Variants in NAALADL2 observed in about 807,000 individuals in gnomAD.
NAALADL2 encodes inactive N-acetylated-alpha-linked acidic dipeptidase-like protein 2.
In NAALADL2, 76 loss-of-function variants were observed where a neutral mutation model predicts 87.2. That is an observed-to-expected ratio of 0.87 (90% confidence interval 0.72 to 1.05). NAALADL2 has a LOEUF of 1.05. NAALADL2 is among the 50% of genes least tolerant of loss of function. NAALADL2 has a pLI of 0.00. For synonymous variants in NAALADL2, 354 were observed against 331.0 expected, an observed-to-expected ratio of 1.07 and a Z score of -0.75; for missense variants, 1,089 against 945.8, an observed-to-expected ratio of 1.15 and a Z score of -1.99.
chr3:175,117,775 C>T (rs1442974951), intron 2 of NAALADL2, among the ~76,000 whole-genome samples: 4 of 152,052 alleles, frequency 2.6e-5, no homozygotes, highest in Non-Finnish European at 4.4e-5. Flanking sequence ...GATATATACT[C>T]AAAGGATTAT....
intron 5 of NAALADL2, among the ~76,000 whole-genome samples, chr3:175,376,947 T>C (rs994006743): frequency 2.6e-5 from 4 of 152,158 alleles, no homozygotes; most frequent in African/African-American, 9.7e-5. Flanking sequence ...TTTTTGATTT[T>C]AGGAGGTTCA....
At chr3:175,047,532 A>G (rs889983399) in intron 1 of NAALADL2, among the ~76,000 whole-genome samples, 2 of 152,212 alleles carry the variant, frequency 1.3e-5, no homozygotes, top group Non-Finnish European at 2.9e-5. Flanking sequence ...TATGTATTTT[A>G]AAAGTTGTAA....
In NAALADL2 at chr3:174,785,614, CT is replaced by C. The variant is rs199766930; in HGVS notation, c.-9+47874del. Among the ~76,000 whole-genome samples the C allele has an allele frequency of 6.3e-3, 951 of 152,152 alleles. 8 individuals carry two copies. The highest frequency in any genetic ancestry group is 0.027 in the Middle Eastern group (8 of 294). The stretch of plus-strand genomic sequence containing the variant: ...AAATATTGCTTTGTCTATTTGGGCT[CT>C]TTTTTGTCACTGTTTTGGTCCTGTG... On this transcript the variant is annotated intron_variant, in intron 3 of 3. Transcript: ENST00000434257.
intron 2 of NAALADL2, among the ~76,000 whole-genome samples, chr3:174,650,163 G>A (rs1273870062): frequency 2.6e-5 from 4 of 152,044 alleles, no homozygotes; most frequent in South Asian, 2.1e-4. Context: ...TCAGGGATTG[G>A]GTAGAAGATT....
intron 3 of NAALADL2, among the ~76,000 whole-genome samples, chr3:174,850,039 T>G (rs1725076342): frequency 6.6e-6 from 1 of 152,214 alleles, no homozygotes; most frequent in African/African-American, 2.4e-5. Context: ...AACATACATT[T>G]CTTTCAGAGT....
chr3:175,394,997 T>C (rs1396073215), intron 5 of NAALADL2, among the ~76,000 whole-genome samples: 3 of 152,134 alleles, frequency 2.0e-5, no homozygotes, highest in Non-Finnish European at 4.4e-5. Flanking sequence ...TGCTTATCTT[T>C]GGCATGTCAC....
At chr3:175,088,694 A>G (rs1422539346) in intron 1 of NAALADL2, among the ~76,000 whole-genome samples, 2 of 152,146 alleles carry the variant, frequency 1.3e-5, no homozygotes, top group African/African-American at 4.8e-5. Context: ...ACAAGCTTCA[A>G]CTCTCTGTTC....
rs1721324736 is a variant in NAALADL2 at position 175,097,286 on chromosome 3, T to C, written c.540T>C (p.Ser180=). The C allele has an allele frequency of 6.2e-6, 10 of 1,604,376 alleles. No individual in the cohort carries two copies. The highest frequency in any genetic ancestry group is 1.1e-5 in the South Asian group (1 of 89,682). ...TCCAGGCAGAAGATATTAAGAAGTC[T>C]TTCAGGTAGGTGAAGAAGAAACAGA... ...KTIQAEDIKK[S]FRNLVQLYKN... The change falls in exon 2 of 14, where the codon TCT becomes TCC. Residue 180 remains serine (S), a synonymous_variant. Transcript: ENST00000454872.
chr3:175,560,569 T>G (rs2149514023), intron 9 of NAALADL2, among the ~76,000 whole-genome samples: 1 of 152,294 alleles, frequency 6.6e-6, no homozygotes, highest in South Asian at 2.1e-4. Flanking sequence ...CATTAGGTTG[T>G]TTATTTGTTT....
At chr3:175,736,998 T>G (rs1744586645) in intron 11 of NAALADL2, among the ~76,000 whole-genome samples, 1 of 152,202 alleles carries the variant, frequency 6.6e-6, no homozygotes, top group South Asian at 2.1e-4. Flanking sequence ...TGTAAGGAAT[T>G]ATTTAAAGTC....
intron 1 of NAALADL2, among the ~76,000 whole-genome samples, chr3:175,063,224 C>T (rs976882270): frequency 4.6e-5 from 7 of 152,038 alleles, no homozygotes; most frequent in African/African-American, 1.7e-4. Context: ...CACAGAGTAA[C>T]TTGGCAGGAT....
chr3:175,526,767 G>A lies in NAALADL2; in HGVS notation c.1654-49274G>A, dbSNP rs998313416. 1.1e-4 allele frequency among the ~76,000 whole-genome samples: 17 copies of A among 152,152 alleles called. No homozygotes were observed. In the East Asian group the frequency reaches 1.9e-3, roughly 17 times the overall value. On this transcript the variant is annotated intron_variant, in intron 9 of 13. Coordinates refer to ENST00000454872, the MANE Select transcript of NAALADL2 (RefSeq NM_207015.3). ...TTGTTCTGCTTTAATTTGTTCCACG[G>A]GTCCACCAGCAGAGATGAGGAACTT...
intron 1 of NAALADL2, among the ~76,000 whole-genome samples, chr3:174,895,230 A>G (rs755102371): frequency 1.3e-5 from 2 of 152,168 alleles, no homozygotes; most frequent in Non-Finnish European, 2.9e-5. Context: ...CAAAAGATCA[A>G]TGAAACAAAG....
At chr3:174,589,766 C>T (rs1401351833) in intron 2 of NAALADL2, among the ~76,000 whole-genome samples, 1 of 151,656 alleles carries the variant, frequency 6.6e-6, no homozygotes, top group Admixed American at 6.6e-5. Flanking sequence ...TTTTGGTAAA[C>T]TTTCAGGAAG....
At chr3:174,701,468 T>C (rs1201847929) in intron 2 of NAALADL2, among the ~76,000 whole-genome samples, 1 of 152,156 alleles carries the variant, frequency 6.6e-6, no homozygotes, top group East Asian at 1.9e-4. Flanking sequence ...GTAAAACTGA[T>C]ATACAATAAA....
At chr3:174,632,859 C>T (rs1351040937) in intron 2 of NAALADL2, among the ~76,000 whole-genome samples, 14 of 142,734 alleles carry the variant, frequency 9.8e-5, no homozygotes, top group Admixed American at 8.3e-4. Context: ...CACTTGAACC[C>T]GGGAGGTGGA....
At chr3:175,248,797 T>G (rs1314392907) in intron 3 of NAALADL2, among the ~76,000 whole-genome samples, 3 of 152,168 alleles carry the variant, frequency 2.0e-5, no homozygotes, top group Admixed American at 1.3e-4. Flanking sequence ...TATAGTATTA[T>G]TATATGATTT....
chr3:175,377,560 T>C (rs1032522901), intron 5 of NAALADL2, among the ~76,000 whole-genome samples: 1 of 152,192 alleles, frequency 6.6e-6, no homozygotes, highest in Non-Finnish European at 1.5e-5. Flanking sequence ...AGAGAAATTC[T>C]AGGCAGACAG....
chr3:174,745,292 C>A (rs759887945), intron 3 of NAALADL2, among the ~76,000 whole-genome samples: 7 of 152,036 alleles, frequency 4.6e-5, no homozygotes, highest in Non-Finnish European at 7.4e-5. Context: ...ATACAAACAA[C>A]CATCACAGAA....
Sources: gnomAD v4.1 joint callset for allele counts (sites outside exome capture counted in the v4.1 genomes callset) on GRCh38, gnomAD v4.1.1 for gene constraint, MANE v1.5 for transcripts, NCBI Gene and HGNC (gene_info 2026-07-23, HGNC 2026-07-21) for gene names.